Variants in RALGAPB observed in about 807,000 individuals in gnomAD.
RALGAPB encodes Ral GTPase activating protein non-catalytic subunit beta, also known as ral GTPase-activating protein subunit beta.
Under a neutral mutation model 161.1 loss-of-function variants are expected in RALGAPB, and 25 were observed. The ratio of observed to expected loss-of-function variants is 0.16; its 90% CI spans 0.11 to 0.22. The LOEUF is 0.22. Ranked by LOEUF, RALGAPB falls within the 10% of genes least tolerant of loss-of-function variation. The probability of loss-of-function intolerance (pLI) is 1.00; values close to 1 mark genes in which losing one functional copy is unlikely to be tolerated. For missense variants in RALGAPB, 1,391 were observed against 1,815.2 expected (o/e 0.77, Z 4.25); for synonymous variants, 629 against 626.1 (o/e 1.00, Z -0.07).
intron 6 of RALGAPB, among the ~76,000 whole-genome samples, chr20:38,513,012 G>A (rs1036134771): frequency 6.6e-6 from 1 of 151,918 alleles, no homozygotes; most frequent in Non-Finnish European, 1.5e-5. Flanking sequence ...CGCCTGCCTC[G>A]GCCTCTCAAA....
At chr20:38,547,225 C>T (rs1342904567) in intron 19 of RALGAPB, 5 of 152,202 alleles carry the variant, frequency 3.3e-5, no homozygotes, top group African/African-American at 1.2e-4. Context: ...CCCAAACTAT[C>T]CACAAGTACA....
At chr20:38,530,553 C>T (rs1312102391) in intron 13 of RALGAPB, among the ~76,000 whole-genome samples, 4 of 151,118 alleles carry the variant, frequency 2.6e-5, no homozygotes, top group Admixed American at 6.6e-5. Flanking sequence ...CTAGTATGCC[C>T]GGCCAATTTT....
At chr20:38,509,567 G>A (rs998505937) in intron 6 of RALGAPB, among the ~76,000 whole-genome samples, 1 of 152,192 alleles carries the variant, frequency 6.6e-6, no homozygotes, top group South Asian at 2.1e-4. Context: ...GCCCAGCACT[G>A]ACTGGTCAGT....
chr20:38,493,421 A>G (rs532269598), intron 3 of RALGAPB, among the ~76,000 whole-genome samples: 27 of 152,366 alleles, frequency 1.8e-4, no homozygotes, highest in African/African-American at 6.5e-4. Context: ...TCAAAAAAAT[A>G]TACTTTTGCC....
Position 38,576,063 on chromosome 20 carries a change from A to C in RALGAPB, c.*1096A>C, listed in dbSNP as rs1219068049. 3.3e-5 allele frequency: 5 copies of C among 152,342 alleles called. No individual in the cohort carries two copies. Among genetic ancestry groups the C allele is most frequent in the Non-Finnish European group, 7.4e-5 (5 of 68,024 alleles). The allele number at this position is 152,342 out of a possible 1,614,324, so 9.4% of individuals were successfully genotyped here. Reference sequence around the variant, plus strand: ...GTTGTCATGTTTTCTGGACTTTGCCAGCCAACAGATCCCTGCCAGGTTTTG... The same window carrying C: ...GTTGTCATGTTTTCTGGACTTTGCCCGCCAACAGATCCCTGCCAGGTTTTG... On this transcript the variant is annotated 3_prime_UTR_variant, in exon 30 of 30. Coordinates refer to ENST00000262879, the MANE Select transcript of RALGAPB (RefSeq NM_020336.4).
intron 27 of RALGAPB, 145 bp downstream of exon 27, chr20:38,570,141 C>T: frequency 1.7e-6 from 1 of 599,982 alleles, no homozygotes; most frequent in Non-Finnish European, 2.9e-6. Flanking sequence ...ACCCCAGCTC[C>T]ACTACTCAGT....
At chr20:38,536,150 C>G (rs1336137543) in intron 16 of RALGAPB, among the ~76,000 whole-genome samples, 1 of 152,134 alleles carries the variant, frequency 6.6e-6, no homozygotes, top group African/African-American at 2.4e-5. Context: ...GTCTCCGCAC[C>G]CCCTCCTCTG....
At position 38,535,129 on chromosome 20, in the gene RALGAPB, C is replaced by T. The variant is rs756491782; in HGVS notation, c.2301C>T (p.Thr767=). The T allele has an allele frequency of 8.7e-6, 14 of 1,614,012 alleles. No homozygotes were observed. The highest frequency in any genetic ancestry group is 8.5e-7 in the Non-Finnish European group (1 of 1,179,862). The change falls in exon 16 of 30, where the codon ACC becomes ACT. Residue 767 remains threonine, a synonymous_variant. Coordinates refer to ENST00000262879, the MANE Select transcript of RALGAPB (RefSeq NM_020336.4). ...GLLIRSIHLV[T]QRLNSQWRQD... ...TGATTCGCAGCATTCATCTCGTCAC[C>T]CAAAGACTCAACTCCCAGTGGCGCC...
At chr20:38,478,776 C>T (rs1008876269) in intron 1 of RALGAPB, among the ~76,000 whole-genome samples, 2 of 152,048 alleles carry the variant, frequency 1.3e-5, no homozygotes, top group African/African-American at 4.8e-5. Context: ...GCCACCACGC[C>T]CAGCTAATTT....
chr20:38,534,388 C>T (rs1382444008), intron 15 of RALGAPB: 1 of 152,450 alleles, frequency 6.6e-6, no homozygotes, highest in South Asian at 2.1e-4. Flanking sequence ...CTGATAGGAT[C>T]GACAGGTATA....
At chr20:38,545,492 A>G (rs2087132492) in intron 18 of RALGAPB, among the ~76,000 whole-genome samples, 1 of 152,200 alleles carries the variant, frequency 6.6e-6, no homozygotes, top group Non-Finnish European at 1.5e-5. Flanking sequence ...CTGGCCCTTC[A>G]TATGCATCTC....
chr20:38,486,313 G>T (rs532345675), intron 1 of RALGAPB, among the ~76,000 whole-genome samples: 2 of 151,790 alleles, frequency 1.3e-5, no homozygotes, highest in East Asian at 3.9e-4. Flanking sequence ...AGCATTTTTT[G>T]GTTTCATTTA....
At chr20:38,494,509 T>C (rs2085363282) in intron 3 of RALGAPB, among the ~76,000 whole-genome samples, 1 of 152,062 alleles carries the variant, frequency 6.6e-6, no homozygotes, top group Non-Finnish European at 1.5e-5. Flanking sequence ...CATGTGCTTA[T>C]AATCCCAGCT....
intron 5 of RALGAPB, among the ~76,000 whole-genome samples, chr20:38,505,750 G>C (rs140832743): frequency 6.6e-6 from 1 of 152,058 alleles, no homozygotes; most frequent in East Asian, 1.9e-4. Flanking sequence ...CCAAAAAAAC[G>C]TGCATGCCTT....
At chr20:38,532,231 T>G (rs2086676756) in intron 14 of RALGAPB, among the ~76,000 whole-genome samples, 2 of 152,164 alleles carry the variant, frequency 1.3e-5, no homozygotes, top group African/African-American at 4.8e-5. Flanking sequence ...AATTTTTTTG[T>G]ATTTTTTAAT....
At position 38,551,110 on chromosome 20, in the gene RALGAPB, G is replaced by T; in HGVS notation, c.3049G>T (p.Val1017Phe). The part of the protein sequence containing the change: ...PEPRPVPKND[V>F]GFKYSVKHRP... Reference sequence around the variant, plus strand: ...ACCTCGCCCAGTTCCTAAAAATGACGTTGGATTTAAATATTCTGTGAAACA... The same window carrying T: ...ACCTCGCCCAGTTCCTAAAAATGACTTTGGATTTAAATATTCTGTGAAACA... The change falls in exon 21 of 30, where the codon GTT (valine) becomes TTT (phenylalanine). Residue 1017 changes from valine to phenylalanine, a missense_variant. This residue lies in a region of RALGAPB where 946 missense variants were observed against 1,257.2 expected (regional missense o/e 0.75). Transcript: ENST00000262879. The T allele has an allele frequency of 6.2e-7, 1 of 1,613,934 alleles. No homozygotes were observed. Among genetic ancestry groups the T allele is most frequent in the Non-Finnish European group, 8.5e-7 (1 of 1,179,848 alleles).
chr20:38,570,938 T>C (rs1342085664), intron 28 of RALGAPB, 91 bp downstream of exon 28: 2 of 849,618 alleles, frequency 2.4e-6, no homozygotes, highest in African/African-American at 3.5e-5. Context: ...AACGAAAGAG[T>C]TGTAGACAAC....
At chr20:38,571,014 T>C (rs534441291) in intron 28 of RALGAPB, among the ~76,000 whole-genome samples, 167 bp downstream of exon 28, 2 of 152,308 alleles carry the variant, frequency 1.3e-5, no homozygotes, top group Admixed American at 1.3e-4. Flanking sequence ...TATCAAATTA[T>C]TATAGCATGG....
intron 23 of RALGAPB, among the ~76,000 whole-genome samples, chr20:38,559,920 C>T (rs930243223): frequency 7.2e-5 from 11 of 152,116 alleles, no homozygotes; most frequent in African/African-American, 1.9e-4. Flanking sequence ...TGTAAAATGT[C>T]GTATTCAGAT....
Sources: allele counts gnomAD v4.1 joint callset (sites outside exome capture counted in the v4.1 genomes callset), GRCh38; gene constraint gnomAD v4.1.1; regional missense constraint gnomAD v4.1.1; transcripts MANE v1.5; gene names NCBI Gene and HGNC (gene_info 2026-07-23, HGNC 2026-07-21).